The following NFIA variants were observed in gnomAD, a reference collection of about 807,000 sequenced individuals.
NFIA encodes nuclear factor 1 A-type.
A neutral mutation model predicts 62.8 loss-of-function variants in NFIA; 8 were observed. The observed-to-expected ratio is 0.13, with a 90% CI of 0.07 to 0.23. The LOEUF (loss-of-function observed/expected upper bound fraction) is 0.23. Among genes scored for constraint, NFIA ranks in the 10% least tolerant of loss-of-function variants. The probability of loss-of-function intolerance (pLI) is 1.00; values close to 1 mark genes in which losing one functional copy is unlikely to be tolerated. For synonymous variants in NFIA, 235 were observed against 238.1 expected (o/e 0.99, Z 0.12); for missense variants, 410 against 642.1 (o/e 0.64, Z 3.91).
At chr1:61,234,306 G>A (rs1418887541) in intron 2 of NFIA, among the ~76,000 whole-genome samples, 2 of 148,710 alleles carry the variant, frequency 1.3e-5, no homozygotes, top group African/African-American at 5.0e-5. Flanking sequence ...GGCGGAGGTT[G>A]CGGTGAACCG....
At chr1:61,424,615 T>G (rs1483388427) in intron 9 of NFIA, among the ~76,000 whole-genome samples, 2 of 152,132 alleles carry the variant, frequency 1.3e-5, no homozygotes, top group African/African-American at 4.8e-5. Flanking sequence ...GAAAGAACAC[T>G]TTTTTCCCTA....
rs74086954 is a variant in NFIA at position 61,388,091 on chromosome 1, C to T, written c.1075+4726C>T. On this transcript the variant is annotated intron_variant, in intron 7 of 10. Transcript: ENST00000403491. ...GCTTTGATAAATCACTTAACCTTGT[C>T]GCCTCAGTTTGGCCATCTGTACCAT... Among the ~76,000 whole-genome samples the T allele has an allele frequency of 9.4e-3, 1,424 of 152,214 alleles. 30 individuals are homozygous for T. Among genetic ancestry groups the T allele is most frequent in the African/African-American group, 0.032 (1,343 of 41,518 alleles).
intron 10 of NFIA, 140 bp downstream of exon 10, chr1:61,426,696 T>G: frequency 1.5e-6 from 1 of 677,874 alleles, no homozygotes; most frequent in Non-Finnish European, 2.5e-6. Flanking sequence ...ACCAGCCACA[T>G]TTCCATGTGT....
intron 6 of NFIA, among the ~76,000 whole-genome samples, chr1:61,366,618 G>T (rs972078383): frequency 6.6e-6 from 1 of 152,106 alleles, no homozygotes; most frequent in African/African-American, 2.4e-5. Flanking sequence ...TCTCATTTTT[G>T]AAGGTCAAAA....
At chr1:61,227,906 T>C (rs1360319917) in intron 2 of NFIA, among the ~76,000 whole-genome samples, 1 of 152,206 alleles carries the variant, frequency 6.6e-6, no homozygotes, top group African/African-American at 2.4e-5. Flanking sequence ...AGTTTCATTA[T>C]TATAAATTTT....
chr1:61,259,082 A>C (rs1656599837), intron 2 of NFIA, among the ~76,000 whole-genome samples: 1 of 152,188 alleles, frequency 6.6e-6, no homozygotes, highest in Non-Finnish European at 1.5e-5. Flanking sequence ...AAAACTGTCT[A>C]TCCACTTCTT....
chr1:61,279,480 A>G (rs1019369682), intron 3 of NFIA, among the ~76,000 whole-genome samples: 2 of 150,946 alleles, frequency 1.3e-5, no homozygotes, highest in African/African-American at 4.9e-5. Context: ...TTGACATTTT[A>G]AAGAGTGGTA....
intron 10 of NFIA, among the ~76,000 whole-genome samples, chr1:61,427,605 C>G (rs746066145): frequency 1.3e-5 from 2 of 152,106 alleles, no homozygotes; most frequent in Middle Eastern, 3.2e-3. Flanking sequence ...CCATTTGCCC[C>G]CTCTGTAAAG....
At chr1:61,422,833 A>C (rs969516122) in intron 9 of NFIA, among the ~76,000 whole-genome samples, 4 of 151,712 alleles carry the variant, frequency 2.6e-5, no homozygotes, top group African/African-American at 4.8e-5. Flanking sequence ...TGTACCCCAC[A>C]GTGCCCCTAG....
rs1370692414 is a variant in NFIA, at chr1:61,459,071, T to G, written c.*3751T>G. On this transcript the variant is annotated 3_prime_UTR_variant, in exon 11 of 11. Transcript: ENST00000403491. ...AAACACCAACAGTTGCCAGTGTTTT[T>G]GCTTTTTAGCTTAAAAGCATAGTGA... 6.6e-6 allele frequency: 1 copy of G among 152,230 alleles called. No homozygotes were observed. The highest frequency in any genetic ancestry group is 6.5e-5 in the Admixed American group (1 of 15,284). The allele number at this position is 152,230 out of a possible 1,614,324, so 9.4% of individuals were successfully genotyped here. A position where few individuals can be genotyped will look rare whatever the true frequency, so the allele number is the denominator to read the frequency against.
intron 9 of NFIA, among the ~76,000 whole-genome samples, chr1:61,415,533 A>G (rs1221491650): frequency 2.6e-5 from 4 of 152,168 alleles, no homozygotes; most frequent in Non-Finnish European, 5.9e-5. Context: ...TATAAACAGA[A>G]AAGGAAAACA....
At chr1:61,303,607 A>G (rs1326425167) in intron 3 of NFIA, among the ~76,000 whole-genome samples, 1 of 152,218 alleles carries the variant, frequency 6.6e-6, no homozygotes, top group Non-Finnish European at 1.5e-5. Flanking sequence ...GCAGGAGAAA[A>G]GGAACTCAGG....
intron 2 of NFIA, among the ~76,000 whole-genome samples, chr1:61,274,969 G>A (rs370822343): frequency 2.2e-4 from 34 of 152,276 alleles, no homozygotes; most frequent in African/African-American, 7.7e-4. Context: ...AATTATTGAA[G>A]TTTTGAGATC....
chr1:61,123,703 C>T (rs570946172), intron 2 of NFIA, among the ~76,000 whole-genome samples: 179 of 17,318 alleles, frequency 0.01, 1 homozygote, highest in Middle Eastern at 0.05. Flanking sequence ...GGGAAGGCTA[C>T]ATGGTTTGGC....
At chr1:61,223,008 T>A (rs866103423) in intron 2 of NFIA, among the ~76,000 whole-genome samples, 1 of 152,036 alleles carries the variant, frequency 6.6e-6, no homozygotes, top group Non-Finnish European at 1.5e-5. Context: ...TGCTCTGAAA[T>A]TTTTTTGAAG....
chr1:61,082,408 T>C (rs1162242306), upstream of NFIA: 2 of 906,524 alleles, frequency 2.2e-6, no homozygotes, highest in Non-Finnish European at 2.6e-6. Flanking sequence ...GGGCGGCGGC[T>C]GTGCGGTGCG....
Position 61,088,390 on chromosome 1 carries a change from A to T in NFIA, c.269A>T (p.Asp90Val). The T allele has an allele frequency of 6.2e-7, 1 of 1,613,664 alleles. No individual in the cohort carries two copies. Among genetic ancestry groups the T allele is most frequent in the Non-Finnish European group, 8.5e-7 (1 of 1,179,926 alleles). The change falls in exon 2 of 11, where the codon GAT becomes GTT. Residue 90 changes from aspartate to valine, a missense_variant. Around this residue, in one of 3 missense-constraint regions of NFIA, gnomAD observed 86 missense variants for 124.6 expected, o/e 0.69. Coordinates refer to ENST00000403491, the MANE Select transcript of NFIA (RefSeq NM_001134673.4). This position sits in a 1 kb window ranked among gnomAD's most constrained non-coding sequence, Gnocchi z 4.5. ...GATATCCGACCCGAATATCGAGAGG[A>T]TTTTGTTCTTACAGTTACAGGGAAA... ...RKDIRPEYRE[D>V]FVLTVTGKKP... is the part of the protein sequence containing the mutation.
chr1:61,369,887 CT>C (rs943137198), intron 6 of NFIA, among the ~76,000 whole-genome samples: 1 of 152,072 alleles, frequency 6.6e-6, no homozygotes, highest in Non-Finnish European at 1.5e-5. Flanking sequence ...CTCATAGGGT[CT>C]TATATTTTTC....
chr1:61,236,381 G>T (rs1227311556), intron 2 of NFIA, among the ~76,000 whole-genome samples: 1 of 152,104 alleles, frequency 6.6e-6, no homozygotes, highest in African/African-American at 2.4e-5. Context: ...ATAACAGACG[G>T]CAGTGTTTGC....
Sources: gnomAD v4.1 joint callset for allele counts (sites outside exome capture counted in the v4.1 genomes callset) on GRCh38, gnomAD v4.1.1 for gene constraint, gnomAD v4.1.1 regional missense constraint, Gnocchi (gnomAD v3.1) non-coding constraint, MANE v1.5 for transcripts, NCBI Gene and HGNC (gene_info 2026-07-23, HGNC 2026-07-21) for gene names.